ANKRD11: variants seen among roughly 807,000 people sequenced by gnomAD.
The protein encoded by ANKRD11 is ankyrin repeat domain 11, also known as ankyrin repeat domain-containing protein 11.
In ANKRD11, 17 loss-of-function variants were observed where a neutral mutation model predicts 195.7. The observed-to-expected ratio is 0.09, with a 90% confidence interval of 0.06 to 0.13. The LOEUF is 0.13. ANKRD11 is among the 10% of genes least tolerant of loss of function. ANKRD11 has a pLI of 1.00. For synonymous variants in ANKRD11, 1,953 were observed against 1,528.1 expected (o/e 1.28, Z -6.49); for missense variants, 3,735 against 3,566.1 (o/e 1.05, Z -1.21).
chr16:89,418,551 C>A, intron 1 of ANKRD11, 183 bp from the exon 2 acceptor site: 1 of 237,416 alleles, frequency 4.2e-6, no homozygotes, highest in South Asian at 4.8e-5. Flanking sequence ...CATCAAATAC[C>A]TTTACGTCAC....
intron 1 of ANKRD11, among the ~76,000 whole-genome samples, chr16:89,441,447 A>T (rs1161561416): frequency 6.6e-6 from 1 of 152,002 alleles, no homozygotes; most frequent in East Asian, 1.9e-4. Context: ...GTCAGGAAAA[A>T]AACTTCAGAA....
rs78194859 is a variant in ANKRD11 at position 89,355,715 on chromosome 16, T to C, written c.-59-38637A>G. Among the ~76,000 whole-genome samples, 189 of 152,328 alleles carry C rather than the reference T, an allele frequency of 1.2e-3. 2 individuals are homozygous for C. In the East Asian group the frequency reaches 0.033, roughly 27 times the overall value. On this transcript the variant is annotated intron_variant, in intron 2 of 12. Transcript: ENST00000301030. ...CCCAAAGATGCTCACTTGAACTTCA[T>C]CTTGTTATGAGCATCCACCCGTCGA...
intron 1 of ANKRD11, among the ~76,000 whole-genome samples, chr16:89,433,478 A>G (rs1214687701): frequency 6.6e-6 from 1 of 152,198 alleles, no homozygotes; most frequent in Non-Finnish European, 1.5e-5. Context: ...TTCAGAACAG[A>G]GACACGGCGT....
At chr16:89,426,034 T>A (rs924565327) in intron 1 of ANKRD11, among the ~76,000 whole-genome samples, 1 of 152,090 alleles carries the variant, frequency 6.6e-6, no homozygotes, top group African/African-American at 2.4e-5. Flanking sequence ...CCTGCCCTGA[T>A]AGGAATCAAA....
At chr16:89,435,895 G>A (rs1013983962) in intron 1 of ANKRD11, among the ~76,000 whole-genome samples, 1 of 151,798 alleles carries the variant, frequency 6.6e-6, no homozygotes, top group East Asian at 1.9e-4. Context: ...TCTGCATTCA[G>A]TTCAATGTGC....
intron 2 of ANKRD11, among the ~76,000 whole-genome samples, chr16:89,352,220 T>G (rs2039253131): frequency 6.6e-6 from 1 of 152,014 alleles, no homozygotes; most frequent in African/African-American, 2.4e-5. Flanking sequence ...ATGAGACACG[T>G]TTCCCTAGGG....
chr16:89,367,313 G>A (rs190516328), intron 2 of ANKRD11, among the ~76,000 whole-genome samples: 211 of 152,344 alleles, frequency 1.4e-3, no homozygotes, highest in Admixed American at 2.2e-3. Flanking sequence ...CAGCAGTACC[G>A]GGAGCCCCTC....
At chr16:89,467,355 C>T (rs1237224942) in intron 1 of ANKRD11, among the ~76,000 whole-genome samples, 1 of 152,062 alleles carries the variant, frequency 6.6e-6, no homozygotes, top group Non-Finnish European at 1.5e-5. Context: ...GGTGGGAAAA[C>T]TGCCTGAGCC....
chr16:89,398,551 T>C (rs1246345221), intron 2 of ANKRD11, among the ~76,000 whole-genome samples: 2 of 152,164 alleles, frequency 1.3e-5, no homozygotes. Context: ...ACCCCATCTC[T>C]TAAAAAAAAT....
chr16:89,397,677 T>C (rs1429537455), intron 2 of ANKRD11, among the ~76,000 whole-genome samples: 1 of 152,248 alleles, frequency 6.6e-6, no homozygotes, highest in Non-Finnish European at 1.5e-5. Context: ...AGTTTTACAG[T>C]GTGCTTTTGT....
intron 1 of ANKRD11, among the ~76,000 whole-genome samples, chr16:89,441,924 C>T (rs1010738917): frequency 6.6e-6 from 1 of 152,158 alleles, no homozygotes; most frequent in East Asian, 1.9e-4. Context: ...CCCCCATCAT[C>T]CATGCAAAGA....
chr16:89,272,731 C>G (rs1320225504), intron 11 of ANKRD11: 1 of 152,048 alleles, frequency 6.6e-6, no homozygotes, highest in Non-Finnish European at 1.5e-5. Flanking sequence ...TTAACGCAAC[C>G]CCATTTACTA....
intron 2 of ANKRD11, among the ~76,000 whole-genome samples, chr16:89,395,369 C>T (rs1446676719): frequency 6.6e-6 from 1 of 152,234 alleles, no homozygotes; most frequent in Non-Finnish European, 1.5e-5. Context: ...CATAAGAGCC[C>T]AGTCCTGCAC....
At chr16:89,433,515 A>G (rs1375059931) in intron 1 of ANKRD11, among the ~76,000 whole-genome samples, 1 of 152,226 alleles carries the variant, frequency 6.6e-6, no homozygotes, top group African/African-American at 2.4e-5. Flanking sequence ...CTCCAGCAAC[A>G]CTAAAAGGCC....
chr16:89,453,846 G>A (rs1192838979), intron 1 of ANKRD11, among the ~76,000 whole-genome samples: 1 of 152,066 alleles, frequency 6.6e-6, no homozygotes, highest in African/African-American at 2.4e-5. Flanking sequence ...CAGGACTCTG[G>A]AGCCAGCCTG....
chr16:89,300,461 A>G (rs1241292292), intron 4 of ANKRD11: 1 of 197,398 alleles, frequency 5.1e-6, no homozygotes, highest in African/African-American at 2.4e-5. Context: ...CCCGCCTGCG[A>G]GCACAGCCTG....
chr16:89,470,317 C>T (rs1291089906), intron 1 of ANKRD11, among the ~76,000 whole-genome samples: 1 of 152,098 alleles, frequency 6.6e-6, no homozygotes, highest in Non-Finnish European at 1.5e-5. Flanking sequence ...TTCTACAAAT[C>T]CTGCCCTGTA....
At chr16:89,452,563 G>T (rs1273676178) in intron 1 of ANKRD11, among the ~76,000 whole-genome samples, 2 of 151,678 alleles carry the variant, frequency 1.3e-5, no homozygotes, top group African/African-American at 2.4e-5. Context: ...GATCACCTGA[G>T]GTCAAGAGAT....
At chr16:89,480,476 CA>C (rs1210555402) in intron 1 of ANKRD11, among the ~76,000 whole-genome samples, 2 of 143,120 alleles carry the variant, frequency 1.4e-5, no homozygotes, top group African/African-American at 2.6e-5. Flanking sequence ...GACTCCATCT[CA>C]AAAAAAAAGA....
Sources: gnomAD v4.1 joint callset for allele counts (sites outside exome capture counted in the v4.1 genomes callset) on GRCh38, gnomAD v4.1.1 for gene constraint, MANE v1.5 for transcripts, NCBI Gene and HGNC (gene_info 2026-07-23, HGNC 2026-07-21) for gene names.